The following ARHGAP15 variants were observed in gnomAD, a reference collection of about 807,000 sequenced individuals.
The protein encoded by ARHGAP15 is rho GTPase-activating protein 15.
In ARHGAP15, 51 loss-of-function variants were observed where a neutral mutation model predicts 63.7. That is an observed-to-expected ratio of 0.80 (90% confidence interval 0.64 to 1.01). The LOEUF is 1.01. ARHGAP15 is among the 50% of genes least tolerant of loss of function. The pLI is 0.00. For missense variants in ARHGAP15, 560 were observed against 564.6 expected (o/e 0.99, Z 0.08); for synonymous variants, 191 against 193.8 (o/e 0.99, Z 0.12).
At chr2:143,484,821 A>G (rs994529598) in intron 8 of ARHGAP15, among the ~76,000 whole-genome samples, 5 of 152,232 alleles carry the variant, frequency 3.3e-5, no homozygotes, top group Non-Finnish European at 7.3e-5. Context: ...CTGCATGTCA[A>G]GTGTTCAATA....
chr2:143,751,911 T>C (rs1338539493), intron 13 of ARHGAP15, among the ~76,000 whole-genome samples: 1 of 152,180 alleles, frequency 6.6e-6, no homozygotes, highest in Admixed American at 6.5e-5. Context: ...TTGCCTTGAC[T>C]GCTGGTGCCT....
chr2:143,251,605 T>C (rs1680160828), intron 6 of ARHGAP15, among the ~76,000 whole-genome samples: 1 of 152,082 alleles, frequency 6.6e-6, no homozygotes, highest in Admixed American at 6.6e-5. Context: ...TAACACATTC[T>C]AGAATAAATT....
At chr2:143,340,112 A>G (rs1173485639) in intron 6 of ARHGAP15, among the ~76,000 whole-genome samples, 1 of 152,160 alleles carries the variant, frequency 6.6e-6, no homozygotes, top group East Asian at 1.9e-4. Flanking sequence ...AAAGACAAAA[A>G]AATAGGACTA....
rs1437468814 is a variant in ARHGAP15 at position 143,482,129 on chromosome 2, G to A, written c.704-5244G>A. Among the ~76,000 whole-genome samples the A allele has an allele frequency of 3.9e-5, 6 of 152,228 alleles. No homozygotes were observed. In the East Asian group the frequency reaches 9.6e-4, roughly 24 times the overall value. On this transcript the variant is annotated intron_variant, in intron 8 of 13. Coordinates refer to ENST00000295095, the MANE Select transcript of ARHGAP15 (RefSeq NM_018460.4). ...ATTTCAGGTTAAGGTTAATGTTTAT[G>A]GAGGTAAAAATACCTAGGATTAAGA...
At chr2:143,471,226 GTGTATGTGTATA>G (rs1691553237) in intron 8 of ARHGAP15, among the ~76,000 whole-genome samples, 3 of 146,922 alleles carry the variant, frequency 2.0e-5, no homozygotes, top group Non-Finnish European at 3.0e-5. Flanking sequence ...ACACACACAT[GTGTATGTGTATA>G]TGTGTATATA....
At chr2:143,417,057 T>C (rs1434536147) in intron 6 of ARHGAP15, among the ~76,000 whole-genome samples, 3 of 152,058 alleles carry the variant, frequency 2.0e-5, no homozygotes, top group Non-Finnish European at 4.4e-5. Context: ...TCTTAGAAGT[T>C]GCCATTGAGG....
At chr2:143,705,366 A>G (rs1215017299) in intron 13 of ARHGAP15, among the ~76,000 whole-genome samples, 7 of 152,204 alleles carry the variant, frequency 4.6e-5, no homozygotes, top group Non-Finnish European at 1.0e-4. Context: ...GCTTTAAAGA[A>G]ATAGAAAGAG....
At chr2:143,760,907 G>A (rs1686739460) in intron 13 of ARHGAP15, among the ~76,000 whole-genome samples, 1 of 152,048 alleles carries the variant, frequency 6.6e-6, no homozygotes, top group Admixed American at 6.6e-5. Flanking sequence ...TATGTAAACT[G>A]GCATATAAAA....
chr2:143,273,610 G>A (rs1043478278), intron 6 of ARHGAP15, among the ~76,000 whole-genome samples: 1 of 152,062 alleles, frequency 6.6e-6, no homozygotes, highest in Non-Finnish European at 1.5e-5. Flanking sequence ...AAATCATAAT[G>A]CATGTCCTTA....
intron 6 of ARHGAP15, among the ~76,000 whole-genome samples, chr2:143,279,488 A>G (rs984462054): frequency 1.3e-5 from 2 of 152,168 alleles, no homozygotes; most frequent in Non-Finnish European, 2.9e-5. Flanking sequence ...ATCCTTTCCA[A>G]TCCCCATGAT....
chr2:143,196,978 T>C lies in ARHGAP15; in HGVS notation c.166-5156T>C, dbSNP rs373216055. On this transcript the variant is annotated intron_variant, in intron 2 of 13. Transcript: ENST00000295095. ...CAAGTTTTCAAAATTCAATAATTAA[T>C]GAACAATTCTAGCAAAAGCAAAAAG... Among the ~76,000 whole-genome samples the C allele has an allele frequency of 2.6e-5, 4 of 151,970 alleles. No individual in the cohort carries two copies. The East Asian group carries it at 5.8e-4, about 22-fold the overall frequency.
chr2:143,656,235 T>C (rs1414986908), intron 12 of ARHGAP15: 1 of 152,232 alleles, frequency 6.6e-6, no homozygotes, highest in Non-Finnish European at 1.5e-5. Flanking sequence ...CATAAATAAC[T>C]ATCAATAAAT....
At chr2:143,695,793 G>T (rs1208622563) in intron 12 of ARHGAP15, among the ~76,000 whole-genome samples, 1 of 151,834 alleles carries the variant, frequency 6.6e-6, no homozygotes, top group Non-Finnish European at 1.5e-5. Flanking sequence ...GCTTGAACCT[G>T]GGAGGCTGCA....
At chr2:143,720,130 A>G (rs1243227095) in intron 13 of ARHGAP15, among the ~76,000 whole-genome samples, 2 of 152,194 alleles carry the variant, frequency 1.3e-5, no homozygotes, top group Admixed American at 6.5e-5. Context: ...GATTGTGGAT[A>G]CTGGGGAGAG....
chr2:143,620,322 C>G (rs1698602787), intron 11 of ARHGAP15, among the ~76,000 whole-genome samples: 1 of 152,086 alleles, frequency 6.6e-6, no homozygotes, highest in South Asian at 2.1e-4. Context: ...CCATTGCTAC[C>G]TAACAATTTG....
chr2:143,525,731 G>T (rs1694244109), intron 10 of ARHGAP15, among the ~76,000 whole-genome samples: 3 of 152,042 alleles, frequency 2.0e-5, no homozygotes, highest in Admixed American at 6.6e-5. Context: ...TCACGCTGGG[G>T]CCTCTGTGTC....
At chr2:143,212,354 G>A (rs1692595495) in intron 3 of ARHGAP15, among the ~76,000 whole-genome samples, 1 of 152,190 alleles carries the variant, frequency 6.6e-6, no homozygotes, top group African/African-American at 2.4e-5. Flanking sequence ...CTCAGTGCTT[G>A]CAGACTGGCT....
intron 5 of ARHGAP15, chr2:143,237,742 C>A (rs967163335): frequency 2.6e-5 from 4 of 152,118 alleles, no homozygotes; most frequent in African/African-American, 9.7e-5. Flanking sequence ...TTTAGTGTCA[C>A]TTTTGATATA....
chr2:143,356,594 A>C (rs1298572418), intron 6 of ARHGAP15, among the ~76,000 whole-genome samples: 1 of 152,162 alleles, frequency 6.6e-6, no homozygotes, highest in East Asian at 1.9e-4. Flanking sequence ...TTCTTTGATA[A>C]GTTTATTTCC....
Sources: allele counts gnomAD v4.1 joint callset (sites outside exome capture counted in the v4.1 genomes callset), GRCh38; gene constraint gnomAD v4.1.1; transcripts MANE v1.5; gene names NCBI Gene and HGNC (gene_info 2026-07-23, HGNC 2026-07-21).